TMTC1: variants seen among roughly 807,000 people sequenced by gnomAD.
TMTC1 encodes protein O-mannosyl-transferase TMTC1.
TMTC1 carries 73 observed loss-of-function variants against 104.8 expected under a neutral mutation model. The ratio of observed to expected loss-of-function variants is 0.70; its 90% CI spans 0.58 to 0.85. The LOEUF (loss-of-function observed/expected upper bound fraction) is 0.85, where lower values mean the gene tolerates loss of function less well. Ranked by LOEUF, TMTC1 falls within the 40% of genes least tolerant of loss-of-function variation. TMTC1 has a pLI of 0.00. For synonymous variants in TMTC1, 434 were observed against 428.7 expected, an observed-to-expected ratio of 1.01 and a Z score of -0.15; for missense variants, 1,035 against 1,096.1, an observed-to-expected ratio of 0.94 and a Z score of 0.79.
chr12:29,765,045 T>C lies in TMTC1; in HGVS notation c.480+2853A>G, dbSNP rs147339252. ...ATTTCCAATTGTACAAGAAGAATTA[T>C]TTGTCAGAAATAAAATGCTGTCTAT... On this transcript the variant is annotated intron_variant, in intron 2 of 17. Transcript: ENST00000539277. Among the ~76,000 whole-genome samples, 4 of 152,316 alleles carry C rather than the reference T, an allele frequency of 2.6e-5. No homozygotes were observed. The East Asian group carries it at 7.7e-4, about 29-fold the overall frequency.
At chr12:29,664,156 C>T (rs1940174421) in intron 5 of TMTC1, among the ~76,000 whole-genome samples, 1 of 150,218 alleles carries the variant, frequency 6.7e-6, no homozygotes, top group African/African-American at 2.4e-5. Context: ...CACTGCACTC[C>T]AGCCTGGGCG....
chr12:29,524,837 C>T (rs1476019121), intron 11 of TMTC1, among the ~76,000 whole-genome samples: 1 of 152,202 alleles, frequency 6.6e-6, no homozygotes, highest in Non-Finnish European at 1.5e-5. Flanking sequence ...CTGCAAAGTC[C>T]TCTACAAATA....
rs773099775 is a variant in TMTC1 at position 29,517,491 on chromosome 12, G to A, written c.2105C>T (p.Ala702Val). Reference protein sequence around the residue: ...LYYNTGRYEEALQIYQEAAAL... With the variant: ...LYYNTGRYEEVLQIYQEAAAL... Reference sequence around the variant, plus strand: ...TGCAGCTTCCTGGTAAATCTGCAAAGCCTCTTCGTATCGGCCAGTGTTGTA... The same window carrying A: ...TGCAGCTTCCTGGTAAATCTGCAAAACCTCTTCGTATCGGCCAGTGTTGTA... Residue 702 changes from alanine (A) to valine (V), a missense_variant, in exon 14 of 18, where the codon GCT (alanine) becomes GTT (valine). Physicochemically the swap from Ala to Val is moderately conservative, Grantham distance 64. Transcript: ENST00000539277. The A allele has an allele frequency of 6.2e-7, 1 of 1,614,136 alleles. No homozygotes were observed. Among genetic ancestry groups the A allele is most frequent in the South Asian group, 1.1e-5 (1 of 91,070 alleles).
rs371705472 is a variant in TMTC1, at chr12:29,587,221, G to A, written c.1251-3647C>T. ...CTTCTAGATTTTCTAATTTACTTGC[G>A]TAGAGGTATTTATAGTATTCTCTGA... is the stretch of plus-strand genomic sequence containing the variant. On this transcript the variant is annotated intron_variant, in intron 7 of 17. Transcript: ENST00000539277. Among the ~76,000 whole-genome samples the A allele has an allele frequency of 2.3e-4, 35 of 152,248 alleles. 1 individual carries two copies. The highest frequency in any genetic ancestry group is 1.4e-3 in the Admixed American group (21 of 15,296).
rs536941701 is a variant in TMTC1 at position 29,734,298 on chromosome 12, C to T, written c.938+17368G>A. 1.1e-4 allele frequency among the ~76,000 whole-genome samples: 16 copies of T among 152,298 alleles called. No individual in the cohort carries two copies. In the East Asian group the frequency reaches 3.1e-3, roughly 29 times the overall value. On this transcript the variant is annotated intron_variant, in intron 5 of 17. Coordinates refer to ENST00000539277, the MANE Select transcript of TMTC1 (RefSeq NM_001193451.2). ...GAAATACCCTGCTGAGTTTGCCTGTCTCTAATAAAGGTCACACGCATTTAC... is the reference window on the plus strand; with the variant it reads ...GAAATACCCTGCTGAGTTTGCCTGTTTCTAATAAAGGTCACACGCATTTAC...
intron 5 of TMTC1, among the ~76,000 whole-genome samples, chr12:29,730,780 T>C (rs1212010700): frequency 1.3e-5 from 2 of 152,168 alleles, no homozygotes; most frequent in Non-Finnish European, 2.9e-5. Flanking sequence ...ACTCTCAACA[T>C]AGTACTAATT....
chr12:29,613,550 G>A (rs1472405075), intron 6 of TMTC1, among the ~76,000 whole-genome samples: 1 of 152,150 alleles, frequency 6.6e-6, no homozygotes, highest in Non-Finnish European at 1.5e-5. Flanking sequence ...ACTTAATAAG[G>A]GGACCTAGTG....
chr12:29,595,828 T>C (rs1946391145), intron 7 of TMTC1, among the ~76,000 whole-genome samples: 1 of 152,200 alleles, frequency 6.6e-6, no homozygotes, highest in African/African-American at 2.4e-5. Flanking sequence ...TTTGTCCCAC[T>C]GAGGACTGAA....
intron 11 of TMTC1, among the ~76,000 whole-genome samples, chr12:29,523,137 C>T (rs1177141362): frequency 6.6e-6 from 1 of 152,198 alleles, no homozygotes; most frequent in Non-Finnish European, 1.5e-5. Flanking sequence ...TCCAACCTGT[C>T]CCTCCCTCCC....
chr12:29,716,931 C>T (rs908492311), intron 5 of TMTC1, among the ~76,000 whole-genome samples: 23 of 152,092 alleles, frequency 1.5e-4, no homozygotes, highest in African/African-American at 3.1e-4. Context: ...AGGAGAATGG[C>T]GTGAACCTGG....
At chr12:29,716,230 C>A (rs1047249238) in intron 5 of TMTC1, among the ~76,000 whole-genome samples, 5 of 151,976 alleles carry the variant, frequency 3.3e-5, no homozygotes, top group Non-Finnish European at 7.4e-5. Context: ...CTATGTTTCC[C>A]AGGCTGGTCT....
intron 5 of TMTC1, among the ~76,000 whole-genome samples, chr12:29,741,679 T>G (rs550483656): frequency 3.9e-5 from 6 of 152,262 alleles, no homozygotes; most frequent in Non-Finnish European, 7.4e-5. Flanking sequence ...ACCCCAAAAC[T>G]AATCAGTGAC....
At chr12:29,635,822 T>A (rs906803143) in intron 5 of TMTC1, among the ~76,000 whole-genome samples, 1 of 152,184 alleles carries the variant, frequency 6.6e-6, no homozygotes, top group Admixed American at 6.5e-5. Flanking sequence ...AGGGCCCAGA[T>A]TCTTAAACAA....
chr12:29,647,872 G>A (rs765263445), intron 5 of TMTC1, among the ~76,000 whole-genome samples: 5 of 152,148 alleles, frequency 3.3e-5, no homozygotes, highest in Admixed American at 2.6e-4. Context: ...TGTGATAAAG[G>A]CAATACTTCT....
intron 5 of TMTC1, among the ~76,000 whole-genome samples, chr12:29,655,914 T>C (rs11050340): frequency 9.9e-4 from 151 of 152,188 alleles, no homozygotes; most frequent in African/African-American, 3.5e-3. Context: ...TACTTTAAAA[T>C]AAGAAACAAT....
intron 2 of TMTC1, 35 bp from the exon 3 acceptor site, chr12:29,758,812 G>C: frequency 6.5e-7 from 1 of 1,546,722 alleles, no homozygotes; most frequent in South Asian, 1.2e-5. Context: ...TGAAACTTCA[G>C]ACAATTACTT....
At chr12:29,767,496 T>C (rs1178367066) in intron 2 of TMTC1, among the ~76,000 whole-genome samples, 1 of 152,198 alleles carries the variant, frequency 6.6e-6, no homozygotes, top group East Asian at 1.9e-4. Context: ...GGTAAGTGTC[T>C]CGAATGGCCC....
chr12:29,510,477 G>C (rs745575450), intron 17 of TMTC1, among the ~76,000 whole-genome samples: 1 of 152,112 alleles, frequency 6.6e-6, no homozygotes, highest in Non-Finnish European at 1.5e-5. Flanking sequence ...ATGTTTCCCA[G>C]CTAGATACTA....
intron 5 of TMTC1, among the ~76,000 whole-genome samples, chr12:29,737,710 A>G (rs1416591420): frequency 6.6e-6 from 1 of 152,146 alleles, no homozygotes; most frequent in Non-Finnish European, 1.5e-5. Context: ...TGGTGGAATC[A>G]GATGGATGTG....
Sources: allele counts gnomAD v4.1 joint callset (sites outside exome capture counted in the v4.1 genomes callset), GRCh38; gene constraint gnomAD v4.1.1; transcripts MANE v1.5; gene names NCBI Gene and HGNC (gene_info 2026-07-23, HGNC 2026-07-21).